CNTNAP5: variants seen among roughly 807,000 people sequenced by gnomAD.
CNTNAP5 encodes the protein contactin-associated protein-like 5.
In CNTNAP5, 72 loss-of-function variants were observed where a neutral mutation model predicts 150.2. The observed-to-expected ratio is 0.48, with a 90% CI of 0.40 to 0.58. The LOEUF is 0.58. Among genes scored for constraint, CNTNAP5 ranks in the 20% least tolerant of loss-of-function variants. CNTNAP5 has a pLI of 0.00. For missense variants in CNTNAP5, 1,636 were observed against 1,626.2 expected (o/e 1.01, Z -0.10); for synonymous variants, 672 against 619.8 (o/e 1.08, Z -1.25).
At chr2:124,510,484 T>C (rs1488774547) in intron 8 of CNTNAP5, among the ~76,000 whole-genome samples, 5 of 21,048 alleles carry the variant, frequency 2.4e-4, no homozygotes, top group African/African-American at 5.3e-4. Context: ...TGTGTATATA[T>C]ATATATATAT....
intron 1 of CNTNAP5, among the ~76,000 whole-genome samples, chr2:124,142,971 C>T (rs1357105974): frequency 1.9e-5 from 2 of 104,718 alleles, no homozygotes; most frequent in African/African-American, 7.9e-5. Context: ...CACCACCAAT[C>T]CCACAGAAAT....
intron 1 of CNTNAP5, among the ~76,000 whole-genome samples, chr2:124,142,883 T>C (rs1454974276): frequency 3.3e-5 from 5 of 150,210 alleles, no homozygotes; most frequent in Non-Finnish European, 7.4e-5. Flanking sequence ...ACAAAATTGA[T>C]AGACCGCTAG....
At chr2:124,590,489 A>C (rs1696654841) in intron 11 of CNTNAP5, among the ~76,000 whole-genome samples, 1 of 152,258 alleles carries the variant, frequency 6.6e-6, no homozygotes, top group African/African-American at 2.4e-5. Flanking sequence ...TAACATATTT[A>C]TTTTTCTTTT....
chr2:124,501,471 C>G (rs1450538337), intron 7 of CNTNAP5, among the ~76,000 whole-genome samples: 1 of 152,110 alleles, frequency 6.6e-6, no homozygotes, highest in Non-Finnish European at 1.5e-5. Context: ...GGCCACTGAC[C>G]ATTTGCCATG....
In CNTNAP5 at chr2:124,138,499, C is replaced by T. The variant is rs149651291; in HGVS notation, c.83-83206C>T. On this transcript the variant is annotated intron_variant, in intron 1 of 23. Coordinates refer to ENST00000682447, the MANE Select transcript of CNTNAP5 (RefSeq NM_001367498.1). ...GGACTTTCAGTGATATGTATGTATGCCTTTTCATGAAGACCTTAAAGTTTG... is the reference window on the plus strand; with the variant it reads ...GGACTTTCAGTGATATGTATGTATGTCTTTTCATGAAGACCTTAAAGTTTG... 6.6e-3 allele frequency among the ~76,000 whole-genome samples: 1,001 copies of T among 152,222 alleles called. 12 individuals carry two copies. Among genetic ancestry groups the T allele is most frequent in the African/African-American group, 0.023 (950 of 41,540 alleles).
In CNTNAP5 at chr2:124,871,999, T is replaced by C. The variant is rs187729911; in HGVS notation, c.3436+2237T>C. 2.2e-3 allele frequency among the ~76,000 whole-genome samples: 334 copies of C among 152,186 alleles called. 2 individuals are homozygous for C. The highest frequency in any genetic ancestry group is 7.6e-3 in the African/African-American group (317 of 41,544). On this transcript the variant is annotated intron_variant, in intron 21 of 23. Coordinates refer to ENST00000682447, the MANE Select transcript of CNTNAP5 (RefSeq NM_001367498.1). The stretch of plus-strand genomic sequence containing the variant: ...TAGACTTGCTAATTCTATCATCATA[T>C]TTCTTACCCTCTTTTTATAGCTTTC...
intron 2 of CNTNAP5, among the ~76,000 whole-genome samples, chr2:124,241,228 T>C (rs1242864366): frequency 5.3e-5 from 8 of 152,178 alleles, no homozygotes; most frequent in Admixed American, 5.2e-4. Flanking sequence ...AGAACTCACA[T>C]TGATCTTCTG....
chr2:124,435,147 G>T (rs1407553436), intron 5 of CNTNAP5, among the ~76,000 whole-genome samples: 2 of 152,088 alleles, frequency 1.3e-5, no homozygotes, highest in Non-Finnish European at 2.9e-5. Flanking sequence ...AAGTTTCTAG[G>T]CATTCCCATG....
chr2:124,623,177 G>T (rs1451161541), intron 12 of CNTNAP5, among the ~76,000 whole-genome samples: 3 of 152,142 alleles, frequency 2.0e-5, no homozygotes, highest in Admixed American at 6.5e-5. Context: ...ATATAGAAAT[G>T]ATTAAGATAT....
chr2:124,334,802 A>G, intron 3 of CNTNAP5, among the ~76,000 whole-genome samples: 1 of 152,130 alleles, frequency 6.6e-6, no homozygotes. Context: ...GTGTAATTGC[A>G]TAATATGAGA....
intron 3 of CNTNAP5, among the ~76,000 whole-genome samples, chr2:124,273,482 T>C (rs1047710946): frequency 6.6e-6 from 1 of 152,160 alleles, no homozygotes; most frequent in Non-Finnish European, 1.5e-5. Flanking sequence ...GCTGCTGTCA[T>C]TGTTTCCTTC....
intron 1 of CNTNAP5, among the ~76,000 whole-genome samples, chr2:124,213,718 G>A (rs1686080522): frequency 6.6e-6 from 1 of 152,008 alleles, no homozygotes; most frequent in Non-Finnish European, 1.5e-5. Context: ...AAGCAAAACA[G>A]TCTGTTGTAA....
chr2:124,537,280 C>T (rs1695261046), intron 10 of CNTNAP5, among the ~76,000 whole-genome samples: 1 of 152,094 alleles, frequency 6.6e-6, no homozygotes, highest in Non-Finnish European at 1.5e-5. Flanking sequence ...TGGGAAGGTG[C>T]CCCACATTCT....
chr2:124,296,292 G>A (rs2104640331), intron 3 of CNTNAP5, among the ~76,000 whole-genome samples: 1 of 152,298 alleles, frequency 6.6e-6, no homozygotes, highest in East Asian at 1.9e-4. Context: ...CCATCTTGTA[G>A]CATGCTGCTT....
intron 13 of CNTNAP5, among the ~76,000 whole-genome samples, chr2:124,650,910 G>A (rs1678307325): frequency 6.6e-6 from 1 of 152,036 alleles, no homozygotes; most frequent in Non-Finnish European, 1.5e-5. Flanking sequence ...AGATCTTTGT[G>A]AACATAACTG....
chr2:124,642,933 T>G (rs1236127308), intron 12 of CNTNAP5, among the ~76,000 whole-genome samples: 1 of 152,230 alleles, frequency 6.6e-6, no homozygotes, highest in African/African-American at 2.4e-5. Context: ...ATACACAGTC[T>G]GCCTTTGGAA....
chr2:124,782,423 C>T (rs1339953699), intron 17 of CNTNAP5, among the ~76,000 whole-genome samples: 1 of 152,146 alleles, frequency 6.6e-6, no homozygotes, highest in Non-Finnish European at 1.5e-5. Flanking sequence ...GAAATTGATA[C>T]CTTTTTCTGT....
chr2:124,467,338 A>G (rs1310366651), intron 6 of CNTNAP5, among the ~76,000 whole-genome samples: 1 of 150,236 alleles, frequency 6.7e-6, no homozygotes, highest in African/African-American at 2.5e-5. Flanking sequence ...AAGGTTGGGA[A>G]TGTTGGAGGG....
At chr2:124,913,543 C>T (rs1678699709) in intron 23 of CNTNAP5, among the ~76,000 whole-genome samples, 1 of 152,026 alleles carries the variant, frequency 6.6e-6, no homozygotes, top group Non-Finnish European at 1.5e-5. Flanking sequence ...GAGTTCAGAG[C>T]AGTGTAAAAA....
Sources: allele counts gnomAD v4.1 joint callset (sites outside exome capture counted in the v4.1 genomes callset), GRCh38; gene constraint gnomAD v4.1.1; transcripts MANE v1.5; gene names NCBI Gene and HGNC (gene_info 2026-07-23, HGNC 2026-07-21).